The following PTPRQ variants were observed in gnomAD, a reference collection of about 807,000 sequenced individuals.
PTPRQ encodes protein tyrosine phosphatase receptor type Q, also known as phosphatidylinositol phosphatase PTPRQ.
PTPRQ carries 199 observed loss-of-function variants against 246.0 expected under a neutral mutation model. The ratio of observed to expected loss-of-function variants is 0.81; its 90% confidence interval spans 0.72 to 0.91. PTPRQ has a LOEUF of 0.91. Ranked by LOEUF, PTPRQ falls within the 40% of genes least tolerant of loss-of-function variation. The pLI, the probability that PTPRQ is intolerant of heterozygous loss-of-function variation, is 0.00. For synonymous variants in PTPRQ, 869 were observed against 853.2 expected (o/e 1.02, Z -0.32); for missense variants, 2,624 against 2,528.4 (o/e 1.04, Z -0.81).
At chr12:80,528,855 A>G (rs1195161068) in intron 17 of PTPRQ, among the ~76,000 whole-genome samples, 2 of 152,140 alleles carry the variant, frequency 1.3e-5, no homozygotes, top group Non-Finnish European at 2.9e-5. Flanking sequence ...ATGCTTCCTC[A>G]GCTTCAAACT....
At chr12:80,628,074 G>A (rs1899274429) in intron 33 of PTPRQ, among the ~76,000 whole-genome samples, 1 of 151,994 alleles carries the variant, frequency 6.6e-6, no homozygotes, top group East Asian at 1.9e-4. Context: ...TGAGTTCTAA[G>A]GCCCAGTGAT....
In PTPRQ at chr12:80,628,385, T is replaced by C. The variant is rs11114534; in HGVS notation, c.5687-3807T>C. 9.2e-3 allele frequency among the ~76,000 whole-genome samples: 1,404 copies of C among 152,250 alleles called. 8 individuals are homozygous for C. The highest frequency in any genetic ancestry group is 0.024 in the Middle Eastern group (7 of 294). On this transcript the variant is annotated intron_variant, in intron 33 of 44. Coordinates refer to ENST00000644991, the MANE Select transcript of PTPRQ (RefSeq NM_001145026.2). ...ATTGGTAACATTACATAAGTACCAA[T>C]ACAGGACAAAAAGATGAAGCATTAA...
intron 33 of PTPRQ, among the ~76,000 whole-genome samples, chr12:80,624,113 A>G (rs1410521448): frequency 2.0e-5 from 3 of 152,122 alleles, no homozygotes; most frequent in Non-Finnish European, 4.4e-5. Flanking sequence ...CCAATCATCT[A>G]GGTATGAATC....
chr12:80,632,970 ATAAC>A (rs1899496926), intron 34 of PTPRQ, among the ~76,000 whole-genome samples: 1 of 152,152 alleles, frequency 6.6e-6, no homozygotes, highest in South Asian at 2.1e-4. Flanking sequence ...CTCACAATGA[ATAAC>A]AATAATGCAG....
At chr12:80,449,588 A>C (rs1487260677) in intron 3 of PTPRQ, among the ~76,000 whole-genome samples, 1 of 151,864 alleles carries the variant, frequency 6.6e-6, no homozygotes, top group East Asian at 1.9e-4. Flanking sequence ...TCAGCTTTCT[A>C]CATATGGCTA....
At position 80,546,687 on chromosome 12, in the gene PTPRQ, C is replaced by A; in HGVS notation, c.4005C>A (p.Thr1335=). 1 of 1,550,834 alleles carries A rather than the reference C, an allele frequency of 6.4e-7. No individual in the cohort carries two copies. ...NQFSNVVKFT[T]QESVPDVVQN... is the part of the protein sequence containing the mutation. ...TTAGTAATGTAGTAAAATTCACAAC[C>A]CAAGAATCAGGTTAGATACAGTTTT... is the stretch of plus-strand genomic sequence containing the variant. The change falls in exon 24 of 45, where the codon ACC becomes ACA. Residue 1335 remains threonine, a synonymous_variant. Coordinates refer to ENST00000644991, the MANE Select transcript of PTPRQ (RefSeq NM_001145026.2).
At position 80,462,007 on chromosome 12, in the gene PTPRQ, T is replaced by C. The variant is rs975780878; in HGVS notation, c.910+1105T>C. 10 of 695,298 alleles carry C rather than the reference T, an allele frequency of 1.4e-5. No individual in the cohort carries two copies. In the African/African-American group the frequency reaches 1.6e-4, roughly 11 times the overall value. The allele number at this position is 695,298 out of a possible 1,614,324, so 43.1% of individuals were successfully genotyped here. ...CGTCTCACTAGGGAGTGCCAGACAG[T>C]GGATGCAGGTCAGTGCGTGCAGTGC... On this transcript the variant is annotated intron_variant, in intron 6 of 44. Coordinates refer to ENST00000644991, the MANE Select transcript of PTPRQ (RefSeq NM_001145026.2).
At chr12:80,665,319 AATCAAGATG>A (rs1452694782) in intron 39 of PTPRQ, among the ~76,000 whole-genome samples, 2 of 151,984 alleles carry the variant, frequency 1.3e-5, no homozygotes, top group African/African-American at 4.8e-5. Flanking sequence ...TCTTCAATCC[AATCAAGATG>A]ACACTCAATA....
At chr12:80,471,825 T>C (rs936010527) in intron 7 of PTPRQ, among the ~76,000 whole-genome samples, 14 of 152,082 alleles carry the variant, frequency 9.2e-5, no homozygotes, top group Non-Finnish European at 2.1e-4. Context: ...CCCTTTTCAA[T>C]ATGTCAAAAA....
intron 28 of PTPRQ, among the ~76,000 whole-genome samples, chr12:80,612,691 A>C (rs987651810): frequency 1.3e-5 from 2 of 150,444 alleles, no homozygotes; most frequent in Admixed American, 1.3e-4. Context: ...GGCACTGATC[A>C]CAGAGAATTG....
intron 25 of PTPRQ, among the ~76,000 whole-genome samples, chr12:80,553,249 A>T (rs1427209701): frequency 6.6e-6 from 1 of 152,144 alleles, no homozygotes; most frequent in African/African-American, 2.4e-5. Context: ...TATATAAAGC[A>T]TGAGTATTAA....
chr12:80,510,128 G>T (rs1895081213), intron 16 of PTPRQ, among the ~76,000 whole-genome samples, 195 bp from the exon 17 acceptor site: 1 of 152,076 alleles, frequency 6.6e-6, no homozygotes, highest in African/African-American at 2.4e-5. Flanking sequence ...AGAAACAGAT[G>T]TTCTAATACC....
At chr12:80,495,393 T>TTGC (rs1894585613) in intron 12 of PTPRQ, 22 bp downstream of exon 12, 12 of 1,489,798 alleles carry the variant, frequency 8.1e-6, no homozygotes, top group Non-Finnish European at 1.1e-5. Context: ...TGTTTTGTTG[T>TTGC]TGTTGTTGTT....
At chr12:80,558,153 CTTTT>C (rs1896711946) in intron 25 of PTPRQ, among the ~76,000 whole-genome samples, 3 of 101,912 alleles carry the variant, frequency 2.9e-5, no homozygotes, top group Admixed American at 2.1e-4. Flanking sequence ...CTTTTCTTTT[CTTTT>C]CTTTTCTTTT....
chr12:80,655,554 T>C (rs1350251249), intron 38 of PTPRQ, among the ~76,000 whole-genome samples: 1 of 151,836 alleles, frequency 6.6e-6, no homozygotes, highest in Admixed American at 6.6e-5. Flanking sequence ...TGGGCAAGTA[T>C]ACCCCCGGTT....
intron 33 of PTPRQ, among the ~76,000 whole-genome samples, chr12:80,623,848 G>T (rs184061070): frequency 1.3e-4 from 20 of 152,084 alleles, no homozygotes; most frequent in Non-Finnish European, 1.8e-4. Flanking sequence ...CTATAAAAGG[G>T]GGGGAGCGCC....
At chr12:80,629,122 G>A (rs1899317600) in intron 33 of PTPRQ, among the ~76,000 whole-genome samples, 1 of 150,042 alleles carries the variant, frequency 6.7e-6, no homozygotes, top group Admixed American at 6.6e-5. Context: ...AAAATATGGT[G>A]GGGGGAGGAG....
intron 6 of PTPRQ, among the ~76,000 whole-genome samples, chr12:80,461,689 G>A (rs1893174463): frequency 1.3e-5 from 2 of 150,248 alleles, no homozygotes; most frequent in South Asian, 4.2e-4. Context: ...AATTTCTGAG[G>A]TATTGAAAAT....
At position 80,541,647 on chromosome 12, in the gene PTPRQ, CTA is replaced by C; in HGVS notation, c.3248_3249del (p.Leu1083ArgfsTer24). Reference sequence around the variant, plus strand: ...GGTCCCACCGGCTCAACCAAACGGTCTAGTCTTCTACTATGTTTCACTGATCT... The same window carrying C: ...GGTCCCACCGGCTCAACCAAACGGTCGTCTTCTACTATGTTTCACTGATCT... ...SWVPPAQPNG[L>X]VFYYVSLILQ... On this transcript the variant is annotated frameshift_variant, in exon 21 of 45. Transcript: ENST00000644991. LOFTEE classifies it high-confidence loss of function. The C allele has an allele frequency of 6.4e-7, 1 of 1,550,960 alleles. No homozygotes were observed. The highest frequency in any genetic ancestry group is 8.7e-7 in the Non-Finnish European group (1 of 1,146,564).
Sources: gnomAD v4.1 joint callset for allele counts (sites outside exome capture counted in the v4.1 genomes callset) on GRCh38, gnomAD v4.1.1 for gene constraint, MANE v1.5 for transcripts, NCBI Gene and HGNC (gene_info 2026-07-23, HGNC 2026-07-21) for gene names.